Variants in FSTL4 observed in about 807,000 individuals in gnomAD.
The protein encoded by FSTL4 is follistatin like 4.
FSTL4 carries 28 observed loss-of-function variants against 78.2 expected under a neutral mutation model. That is an observed-to-expected ratio of 0.36 (90% confidence interval 0.27 to 0.49). The LOEUF (loss-of-function observed/expected upper bound fraction) is 0.49, where lower values mean the gene tolerates loss of function less well. Among genes scored for constraint, FSTL4 ranks in the 20% least tolerant of loss-of-function variants. The probability of loss-of-function intolerance (pLI) is 0.98; values close to 1 mark genes in which losing one functional copy is unlikely to be tolerated. For missense variants in FSTL4, 922 were observed against 1,084.9 expected, an observed-to-expected ratio of 0.85 and a Z score of 2.11; for synonymous variants, 422 against 440.5, an observed-to-expected ratio of 0.96 and a Z score of 0.53.
chr5:133,810,673 T>C, the FSTL4 span, among the ~76,000 whole-genome samples: 1 of 152,166 alleles, frequency 6.6e-6, no homozygotes, highest in Non-Finnish European at 1.5e-5. Context: ...CTGATTTACA[T>C]AGGGCCCAAA....
At chr5:133,729,357 G>T in the FSTL4 span, among the ~76,000 whole-genome samples, 1 of 152,120 alleles carries the variant, frequency 6.6e-6, no homozygotes, top group African/African-American at 2.4e-5. Flanking sequence ...CCTTGGGAGA[G>T]CTACTTAAAC....
chr5:133,813,829 A>G, the FSTL4 span, among the ~76,000 whole-genome samples: 1 of 152,216 alleles, frequency 6.6e-6, no homozygotes, highest in African/African-American at 2.4e-5. Flanking sequence ...AGAGACTATT[A>G]TAGTTTATTA....
At chr5:133,561,257 A>G (rs1163075117) in intron 3 of FSTL4, among the ~76,000 whole-genome samples, 1 of 152,002 alleles carries the variant, frequency 6.6e-6, no homozygotes, top group Non-Finnish European at 1.5e-5. Flanking sequence ...CCAGGCCTGT[A>G]AGAGCTCTAG....
intron 3 of FSTL4, among the ~76,000 whole-genome samples, chr5:133,506,732 C>T (rs1758619162): frequency 6.6e-6 from 1 of 152,188 alleles, no homozygotes; most frequent in South Asian, 2.1e-4. Flanking sequence ...AGGTTGAAAA[C>T]AAAGTTGTCT....
chr5:133,456,891 C>A (rs190093754), intron 3 of FSTL4, among the ~76,000 whole-genome samples: 320 of 152,270 alleles, frequency 2.1e-3, no homozygotes, highest in Middle Eastern at 0.01. Context: ...CCCAGGAAAC[C>A]TGTCTGCTTC....
the FSTL4 span, among the ~76,000 whole-genome samples, chr5:133,708,787 G>A: frequency 2.0e-5 from 3 of 152,248 alleles, no homozygotes; most frequent in Non-Finnish European, 2.9e-5. Flanking sequence ...TGCCTATGAT[G>A]TGGGGGCTAT....
chr5:133,801,087 T>C, the FSTL4 span, among the ~76,000 whole-genome samples: 1 of 151,950 alleles, frequency 6.6e-6, no homozygotes, highest in Non-Finnish European at 1.5e-5. Flanking sequence ...CCTGGTCGGG[T>C]TTCTCCGTTT....
At chr5:133,514,821 T>C (rs2112891591) in intron 3 of FSTL4, among the ~76,000 whole-genome samples, 1 of 152,312 alleles carries the variant, frequency 6.6e-6, no homozygotes, top group East Asian at 1.9e-4. Flanking sequence ...TATTCTGGAA[T>C]ACAAAATACT....
the FSTL4 span, among the ~76,000 whole-genome samples, chr5:133,792,581 C>T: frequency 6.6e-6 from 1 of 152,120 alleles, no homozygotes; most frequent in Admixed American, 6.5e-5. Context: ...TTCCGTCACT[C>T]TGTCTGACTG....
intron 3 of FSTL4, among the ~76,000 whole-genome samples, chr5:133,507,123 G>A (rs770130151): frequency 4.6e-5 from 7 of 152,240 alleles, no homozygotes; most frequent in East Asian, 1.9e-4. Flanking sequence ...CAGGAGAATC[G>A]CTTGAACCCA....
intron 4 of FSTL4, among the ~76,000 whole-genome samples, chr5:133,344,328 T>C (rs1754651489): frequency 6.6e-6 from 1 of 152,268 alleles, no homozygotes; most frequent in South Asian, 2.1e-4. Context: ...TTTACCTCAT[T>C]ACATTCTGTA....
At chr5:133,724,467 G>A in the FSTL4 span, among the ~76,000 whole-genome samples, 1 of 24,212 alleles carries the variant, frequency 4.1e-5, no homozygotes. Context: ...AAATATAGGT[G>A]TTTATTCATT....
At chr5:133,343,498 T>C (rs943434504) in intron 4 of FSTL4, among the ~76,000 whole-genome samples, 10 of 152,352 alleles carry the variant, frequency 6.6e-5, no homozygotes, top group African/African-American at 2.2e-4. Flanking sequence ...GGCATCCTTC[T>C]GAACCCTGGG....
the FSTL4 span, among the ~76,000 whole-genome samples, chr5:133,724,138 C>T: frequency 1.3e-5 from 2 of 152,208 alleles, no homozygotes; most frequent in Non-Finnish European, 2.9e-5. Context: ...GAAACAGTGT[C>T]AGCTCCCTCT....
chr5:133,413,333 CT>C (rs1756516876), intron 3 of FSTL4, among the ~76,000 whole-genome samples: 1 of 151,918 alleles, frequency 6.6e-6, no homozygotes, highest in African/African-American at 2.4e-5. Context: ...TGTAATTACT[CT>C]TATGTTCGTG....
At chr5:133,219,007 T>G (rs1267229160) in intron 12 of FSTL4, among the ~76,000 whole-genome samples, 1 of 152,234 alleles carries the variant, frequency 6.6e-6, no homozygotes, top group Non-Finnish European at 1.5e-5. Context: ...GGGGACCTTC[T>G]TTTCCTTTGT....
At chr5:133,790,051 T>C in the FSTL4 span, among the ~76,000 whole-genome samples, 4 of 152,178 alleles carry the variant, frequency 2.6e-5, no homozygotes, top group Non-Finnish European at 5.9e-5. Context: ...ACCTTCTCCA[T>C]GCTCTCCACC....
At chr5:133,308,757 T>C (rs1208496499) in intron 6 of FSTL4, among the ~76,000 whole-genome samples, 1 of 152,144 alleles carries the variant, frequency 6.6e-6, no homozygotes, top group Non-Finnish European at 1.5e-5. Context: ...AACACTGTTT[T>C]CCTTTCTGCT....
At chr5:133,230,790 C>T (rs1751470583) in intron 8 of FSTL4, among the ~76,000 whole-genome samples, 1 of 152,196 alleles carries the variant, frequency 6.6e-6, no homozygotes, top group Non-Finnish European at 1.5e-5. Flanking sequence ...GCCTCTGGGG[C>T]ATCCCTCCTC....
Sources: gnomAD v4.1 joint callset for allele counts (sites outside exome capture counted in the v4.1 genomes callset) on GRCh38, gnomAD v4.1.1 for gene constraint, MANE v1.5 for transcripts, NCBI Gene and HGNC (gene_info 2026-07-23, HGNC 2026-07-21) for gene names.